Variants in NOTCH1 observed in about 807,000 individuals in gnomAD.
NOTCH1 encodes neurogenic locus notch homolog protein 1.
In NOTCH1, 37 loss-of-function variants were observed where a neutral mutation model predicts 254.8. That is an observed-to-expected ratio of 0.15 (90% CI 0.11 to 0.19). The LOEUF is 0.19. Ranked by LOEUF, NOTCH1 falls within the 10% of genes least tolerant of loss-of-function variation. The pLI is 1.00. For synonymous variants in NOTCH1, 1,731 were observed against 1,618.1 expected (o/e 1.07, Z -1.68); for missense variants, 2,972 against 3,708.6 (o/e 0.80, Z 5.16).
At chr9:136,532,793 G>T (rs947649200) in intron 2 of NOTCH1, among the ~76,000 whole-genome samples, 1 of 152,224 alleles carries the variant, frequency 6.6e-6, no homozygotes, top group African/African-American at 2.4e-5. Flanking sequence ...CCACGTGGGG[G>T]AAAGAAGTCC....
chr9:136,497,009 T>C lies in NOTCH1; in HGVS notation c.6730A>G (p.Ile2244Val). ...TTGGCCGCCACGTTCAGGTGCCCGATGCCCAGGTGGGTGTCGGGCATCCCA... is the reference window on the plus strand; with the variant it reads ...TTGGCCGCCACGTTCAGGTGCCCGACGCCCAGGTGGGTGTCGGGCATCCCA... ...LPGMPDTHLG[I>V]GHLNVAAKPE... The change falls in exon 34 of 34, where the codon ATC (isoleucine) becomes GTC (valine). Residue 2244 changes from isoleucine to valine, a missense_variant. Ile to Val is a conservative substitution (Grantham distance 29, BLOSUM62 3). Around this residue, in one of 8 missense-constraint regions of NOTCH1, gnomAD observed 529 missense variants for 529.2 expected, o/e 1.00. Transcript: ENST00000651671. 2.5e-6 allele frequency: 4 copies of C among 1,609,942 alleles called. No individual in the cohort carries two copies. The highest frequency in any genetic ancestry group is 1.1e-5 in the South Asian group (1 of 90,990).
chr9:136,543,523 T>A lies in NOTCH1; in HGVS notation c.140+501A>T, dbSNP rs533295894. 12 of 256,598 alleles carry A rather than the reference T, an allele frequency of 4.7e-5. No homozygotes were observed. The East Asian group carries it at 7.5e-4, about 16-fold the overall frequency. The allele number at this position is 256,598 out of a possible 1,614,324, so 15.9% of individuals were successfully genotyped here. ...GAGGAGGCATCACCCGCCCAGGAGG[T>A]GGCATCACCTGTGCCAGAGGAGGCA... On this transcript the variant is annotated intron_variant, in intron 2 of 33. Coordinates refer to ENST00000651671, the MANE Select transcript of NOTCH1 (RefSeq NM_017617.5).
chr9:136,543,941 T>C, intron 2 of NOTCH1, 83 bp downstream of exon 2: 1 of 1,282,096 alleles, frequency 7.8e-7, no homozygotes. Flanking sequence ...GACAATGGCC[T>C]AGTGTTCTGT....
At chr9:136,526,554 G>A (rs1242578947) in intron 2 of NOTCH1, among the ~76,000 whole-genome samples, 1 of 152,194 alleles carries the variant, frequency 6.6e-6, no homozygotes, top group Non-Finnish European at 1.5e-5. Flanking sequence ...CAGCTTTAGG[G>A]GACCCCAGAG....
At chr9:136,515,185 GCAGCAC>G (rs573292075) in intron 12 of NOTCH1, 99 bp downstream of exon 12, 1 of 1,049,036 alleles carries the variant, frequency 9.5e-7, no homozygotes, top group African/African-American at 1.6e-5. Context: ...GCCCAGGTGG[GCAGCAC>G]CAAAGCCCTC....
chr9:136,524,027 C>T (rs923150689), intron 2 of NOTCH1, 48 bp from the exon 3 acceptor site: 6 of 1,531,020 alleles, frequency 3.9e-6, no homozygotes, highest in Admixed American at 3.9e-5. Context: ...GCTTCCCCAG[C>T]GCCCCCGCCA....
chr9:136,519,522 T>C lies in NOTCH1; in HGVS notation c.786A>G (p.Pro262=). The part of the protein sequence containing the change: ...QNCEENIDDC[P]GNNCKNGGAC... ...CACCCCCGTTCTTGCAGTTGTTTCC[T>C]GGACAATCGTCGATATTTTCCTCAC... Residue 262 remains proline, a synonymous_variant, in exon 5 of 34, where the codon CCA becomes CCG. Coordinates refer to ENST00000651671, the MANE Select transcript of NOTCH1 (RefSeq NM_017617.5). 3 of 1,613,032 alleles carry C rather than the reference T, an allele frequency of 1.9e-6. No homozygotes were observed. The highest frequency in any genetic ancestry group is 2.7e-5 in the African/African-American group (2 of 75,066).
intron 8 of NOTCH1, 91 bp downstream of exon 8, chr9:136,517,661 A>G (rs1177759813): frequency 7.3e-6 from 11 of 1,504,450 alleles, no homozygotes; most frequent in Non-Finnish European, 1.0e-5. Flanking sequence ...GGCTGGGGAA[A>G]GCGGAAGCAA....
At chr9:136,542,732 G>A (rs1843750198) in intron 2 of NOTCH1, 1 of 151,976 alleles carries the variant, frequency 6.6e-6, no homozygotes, top group African/African-American at 2.4e-5. Context: ...GCCGGGCTGG[G>A]GTTGTCAAGG....
rs763042154 is a variant in NOTCH1 at position 136,507,299 on chromosome 9, C to A, written c.3643+6G>T. 1 of 1,612,890 alleles carries A rather than the reference C, an allele frequency of 6.2e-7. No individual in the cohort carries two copies. The highest frequency in any genetic ancestry group is 1.1e-5 in the South Asian group (1 of 91,092). On this transcript the variant is annotated splice_donor_region_variant and intron_variant, in intron 22 of 33. Transcript: ENST00000651671. ...CAACACCAGCCCTCCGTGCAGCGGC[C>A]CTTACCCTGAGTGCCCCGTGGGCAG... is the stretch of plus-strand genomic sequence containing the variant.
rs1468790796 is a variant in NOTCH1 at position 136,495,134 on chromosome 9, GGCC to G, written c.*934_*936del. 3 of 398,986 alleles carry G rather than the reference GGCC, an allele frequency of 7.5e-6. No individual in the cohort carries two copies. The highest frequency in any genetic ancestry group is 1.3e-5 in the Non-Finnish European group (3 of 226,104). The allele number at this position is 398,986 out of a possible 1,614,324, so 24.7% of individuals were successfully genotyped here. A position where few individuals can be genotyped will look rare whatever the true frequency, so the allele number is the denominator to read the frequency against. On this transcript the variant is annotated 3_prime_UTR_variant, in exon 34 of 34. Coordinates refer to ENST00000651671, the MANE Select transcript of NOTCH1 (RefSeq NM_017617.5). ...GACACTGTGCAGGCTGAGGTGCTGGGGCCGCCACCGGGGTCAGCCCAGGCAGTG... is the reference window on the plus strand; with the variant it reads ...GACACTGTGCAGGCTGAGGTGCTGGGGCCACCGGGGTCAGCCCAGGCAGTG...
chr9:136,538,718 C>T (rs2133399405), intron 2 of NOTCH1, among the ~76,000 whole-genome samples: 1 of 152,370 alleles, frequency 6.6e-6, no homozygotes, highest in Non-Finnish European at 1.5e-5. Context: ...GCAGCCACAG[C>T]TTTCCCACCT....
At position 136,545,621 on chromosome 9, in the gene NOTCH1, G is replaced by T; in HGVS notation, c.61+105C>A. 1 of 935,434 alleles carries T rather than the reference G, an allele frequency of 1.1e-6. No homozygotes were observed. Among genetic ancestry groups the T allele is most frequent in the Non-Finnish European group, 1.5e-6 (1 of 661,642 alleles). The allele number at this position is 935,434 out of a possible 1,614,324, so 57.9% of individuals were successfully genotyped here. On this transcript the variant is annotated intron_variant, in intron 1 of 33. Transcript: ENST00000651671. The surrounding 1 kb of genome is among the most constrained non-coding windows in gnomAD (Gnocchi z 6.8). Reference sequence around the variant, plus strand: ...CCGCCCGCTTTTCCCTCTCCATGCTGGCCTCCCCGCCGCCCGCTCCCAGCC... The same window carrying T: ...CCGCCCGCTTTTCCCTCTCCATGCTTGCCTCCCCGCCGCCCGCTCCCAGCC...
Position 136,498,905 on chromosome 9 carries a change from G to A in NOTCH1, c.6174C>T (p.Asn2058=), listed in dbSNP as rs915673484. 1.9e-6 allele frequency: 3 copies of A among 1,613,642 alleles called. No individual in the cohort carries two copies. Among genetic ancestry groups the A allele is most frequent in the Non-Finnish European group, 2.5e-6 (3 of 1,179,984 alleles). ...ATCCCAGCCTCGCGCTCACCCTGTTGTTCTGCATATCTTTGTTAGCCCCGT... is the reference window on the plus strand; with the variant it reads ...ATCCCAGCCTCGCGCTCACCCTGTTATTCTGCATATCTTTGTTAGCCCCGT... ...LKNGANKDMQ[N]NREETPLFLA... is the part of the protein sequence containing the mutation. The change falls in exon 33 of 34, where the codon AAC becomes AAT. Residue 2058 remains asparagine, a synonymous_variant. Coordinates refer to ENST00000651671, the MANE Select transcript of NOTCH1 (RefSeq NM_017617.5).
chr9:136,510,225 C>G (rs571432050), intron 17 of NOTCH1, among the ~76,000 whole-genome samples: 2 of 152,234 alleles, frequency 1.3e-5, no homozygotes, highest in African/African-American at 2.4e-5. Flanking sequence ...GCTTCACAGA[C>G]CGAGCAGGGG....
intron 2 of NOTCH1, among the ~76,000 whole-genome samples, chr9:136,535,841 T>G (rs12342347): frequency 0.4 from 9,110 of 23,012 alleles, 2,130 homozygotes; most frequent in African/African-American, 0.54. Context: ...GGAGGGGGGA[T>G]CACTCAGGAT....
rs192587346 is a variant in NOTCH1 at position 136,525,746 on chromosome 9, G to T, written c.141-1767C>A. 5.9e-4 allele frequency among the ~76,000 whole-genome samples: 90 copies of T among 152,370 alleles called. 1 individual carries two copies. In the East Asian group the frequency reaches 0.014, roughly 24 times the overall value. On this transcript the variant is annotated intron_variant, in intron 2 of 33. Coordinates refer to ENST00000651671, the MANE Select transcript of NOTCH1 (RefSeq NM_017617.5). Reference sequence around the variant, plus strand: ...TGCTATGTGTGGCAGTGGCCTGGGGGGGCCTTACCCCGAGGGGCTTGTGGA... The same window carrying T: ...TGCTATGTGTGGCAGTGGCCTGGGGTGGCCTTACCCCGAGGGGCTTGTGGA...
chr9:136,510,962 G>A (rs570361596), intron 16 of NOTCH1, among the ~76,000 whole-genome samples, 157 bp from the exon 17 acceptor site: 6 of 152,286 alleles, frequency 3.9e-5, no homozygotes, highest in African/African-American at 1.4e-4. Context: ...GCCTAAGAAG[G>A]TCACAGGAAC....
intron 19 of NOTCH1, 116 bp downstream of exon 19, chr9:136,508,754 T>G: frequency 9.5e-7 from 1 of 1,051,376 alleles, no homozygotes; most frequent in Non-Finnish European, 1.4e-6. Context: ...TGCCCGGGGG[T>G]GTGGGGGTGA....
Sources: allele counts gnomAD v4.1 joint callset (sites outside exome capture counted in the v4.1 genomes callset), GRCh38; gene constraint gnomAD v4.1.1; regional missense constraint gnomAD v4.1.1; non-coding constraint Gnocchi (gnomAD v3.1); transcripts MANE v1.5; gene names NCBI Gene and HGNC (gene_info 2026-07-23, HGNC 2026-07-21).